Variants in DOCK3 observed in about 807,000 individuals in gnomAD.
The protein encoded by DOCK3 is dedicator of cytokinesis 3.
Under a neutral mutation model 265.6 loss-of-function variants are expected in DOCK3, and 60 were observed. The ratio of observed to expected loss-of-function variants is 0.23; its 90% CI spans 0.18 to 0.28. DOCK3 has a LOEUF of 0.28. Ranked by LOEUF, DOCK3 falls within the 10% of genes least tolerant of loss-of-function variation. DOCK3 has a pLI of 1.00. For synonymous variants in DOCK3, 881 were observed against 938.0 expected (o/e 0.94, Z 1.11); for missense variants, 1,981 against 2,594.3 (o/e 0.76, Z 5.14).
At chr3:50,937,511 C>T (rs889215326) in intron 5 of DOCK3, among the ~76,000 whole-genome samples, 1 of 151,842 alleles carries the variant, frequency 6.6e-6, no homozygotes, top group African/African-American at 2.4e-5. Flanking sequence ...AAAAATTAGC[C>T]GGGCGTGGTG....
chr3:51,291,483 A>G (rs1281153736), intron 27 of DOCK3, among the ~76,000 whole-genome samples: 3 of 152,332 alleles, frequency 2.0e-5, no homozygotes, highest in South Asian at 4.1e-4. Flanking sequence ...ATATGCCGGC[A>G]GATTGGACAA....
intron 5 of DOCK3, among the ~76,000 whole-genome samples, chr3:50,960,864 A>T (rs1319932925): frequency 6.6e-6 from 1 of 152,130 alleles, no homozygotes; most frequent in Non-Finnish European, 1.5e-5. Context: ...GTGGTGTGAG[A>T]TAAAAATCTA....
intron 10 of DOCK3, among the ~76,000 whole-genome samples, chr3:51,155,917 T>C (rs1431678141): frequency 1.3e-5 from 2 of 152,214 alleles, no homozygotes; most frequent in African/African-American, 2.4e-5. Context: ...CATAAACAAA[T>C]GAATAAATGT....
chr3:50,990,093 G>GA (rs1252340863), intron 5 of DOCK3, among the ~76,000 whole-genome samples: 2 of 151,746 alleles, frequency 1.3e-5, no homozygotes. Flanking sequence ...AAGACAGTCA[G>GA]AAAAATAAAG....
intron 3 of DOCK3, among the ~76,000 whole-genome samples, chr3:50,860,619 T>A (rs967124849): frequency 6.6e-6 from 1 of 152,082 alleles, no homozygotes; most frequent in African/African-American, 2.4e-5. Context: ...TCAGGCCATG[T>A]TTTGGTAGAG....
In DOCK3 at chr3:51,382,884, T is replaced by C. The variant is rs1046711451; in HGVS notation, c.*1325T>C. On this transcript the variant is annotated 3_prime_UTR_variant, in exon 53 of 53. Transcript: ENST00000266037. ...GGGCACTGATTTTCCTCTCAGTTTA[T>C]TATTTGGGGGGATAGGGTCAGGTGG... The C allele has an allele frequency of 1.3e-5, 2 of 152,398 alleles. No homozygotes were observed. The highest frequency in any genetic ancestry group is 2.9e-5 in the Non-Finnish European group (2 of 68,042). The allele number at this position is 152,398 out of a possible 1,614,324, so 9.4% of individuals were successfully genotyped here.
At chr3:51,297,354 A>G (rs536502154) in intron 27 of DOCK3, among the ~76,000 whole-genome samples, 27 of 152,308 alleles carry the variant, frequency 1.8e-4, no homozygotes, top group African/African-American at 6.5e-4. Flanking sequence ...TTCATCACAC[A>G]AAGTTAAAAA....
At chr3:51,151,529 C>A (rs939592928) in intron 10 of DOCK3, among the ~76,000 whole-genome samples, 3 of 152,162 alleles carry the variant, frequency 2.0e-5, no homozygotes, top group African/African-American at 7.2e-5. Flanking sequence ...GATATTTGAT[C>A]TTGTCATTTT....
intron 4 of DOCK3, among the ~76,000 whole-genome samples, chr3:50,925,338 A>T (rs2050701366): frequency 6.6e-6 from 1 of 152,222 alleles, no homozygotes; most frequent in South Asian, 2.1e-4. Context: ...AGATTGTCTC[A>T]TCCATCTGTC....
At chr3:51,229,721 T>C in intron 19 of DOCK3, 112 bp downstream of exon 19, 1 of 576,750 alleles carries the variant, frequency 1.7e-6, no homozygotes, top group Non-Finnish European at 2.7e-6. Context: ...ATCAGATTTT[T>C]GTTGTTGTTG....
At chr3:50,830,684 T>G (rs1162675786) in intron 2 of DOCK3, among the ~76,000 whole-genome samples, 1 of 152,172 alleles carries the variant, frequency 6.6e-6, no homozygotes, top group Non-Finnish European at 1.5e-5. Context: ...TTCTGCAGCT[T>G]CTCTGTCAGT....
intron 4 of DOCK3, among the ~76,000 whole-genome samples, chr3:50,896,134 C>T (rs547610305): frequency 3.3e-5 from 5 of 152,320 alleles, no homozygotes; most frequent in African/African-American, 7.2e-5. Context: ...TACACTCCCA[C>T]GAACAGTGTA....
chr3:51,116,248 A>G (rs900166724), intron 9 of DOCK3, among the ~76,000 whole-genome samples: 8 of 151,926 alleles, frequency 5.3e-5, no homozygotes, highest in Non-Finnish European at 1.0e-4. Flanking sequence ...TCAGGAGATC[A>G]AGACCATCCT....
At chr3:50,908,735 G>A (rs190435302) in intron 4 of DOCK3, among the ~76,000 whole-genome samples, 2 of 152,160 alleles carry the variant, frequency 1.3e-5, no homozygotes, top group East Asian at 1.9e-4. Context: ...GATCAGGTTC[G>A]CTTGATCCAG....
At chr3:51,321,168 G>C (rs1264698991) in intron 32 of DOCK3, among the ~76,000 whole-genome samples, 1 of 152,166 alleles carries the variant, frequency 6.6e-6, no homozygotes, top group East Asian at 1.9e-4. Flanking sequence ...GCCTCCACTG[G>C]TGATACCCAG....
intron 20 of DOCK3, 28 bp downstream of exon 20, chr3:51,236,456 T>C: frequency 3.8e-6 from 6 of 1,569,220 alleles, no homozygotes; most frequent in Non-Finnish European, 5.2e-6. Context: ...CTCTTTACTT[T>C]TATTAATTAT....
chr3:51,378,887 A>G (rs1489761722), intron 51 of DOCK3, among the ~76,000 whole-genome samples: 1 of 152,196 alleles, frequency 6.6e-6, no homozygotes, highest in African/African-American at 2.4e-5. Context: ...TGTGGGTGCT[A>G]GGAACTGGGG....
intron 5 of DOCK3, among the ~76,000 whole-genome samples, chr3:51,026,934 G>A (rs2108919821): frequency 6.6e-6 from 1 of 151,386 alleles, no homozygotes; most frequent in South Asian, 2.1e-4. Context: ...TTGATCCTTT[G>A]TATGGTTTTG....
chr3:51,267,385 CTTTTT>C (rs111513994), intron 23 of DOCK3, among the ~76,000 whole-genome samples: 1 of 136,686 alleles, frequency 7.3e-6, no homozygotes, highest in Admixed American at 7.4e-5. Flanking sequence ...TTTTTTCTTT[CTTTTT>C]TTTTTTTTTT....
Sources: gnomAD v4.1 joint callset for allele counts (sites outside exome capture counted in the v4.1 genomes callset) on GRCh38, gnomAD v4.1.1 for gene constraint, MANE v1.5 for transcripts, NCBI Gene and HGNC (gene_info 2026-07-23, HGNC 2026-07-21) for gene names.